NTN4: variants seen among roughly 807,000 people sequenced by gnomAD.
NTN4 encodes netrin 4, also known as netrin-4.
In NTN4, 32 loss-of-function variants were observed where a neutral mutation model predicts 73.6. The observed-to-expected ratio is 0.44, with a 90% CI of 0.33 to 0.58. NTN4 has a LOEUF of 0.58. Ranked by LOEUF, NTN4 falls within the 20% of genes least tolerant of loss-of-function variation. The pLI, the probability that NTN4 is intolerant of heterozygous loss-of-function variation, is 0.04. For synonymous variants in NTN4, 258 were observed against 287.5 expected (o/e 0.90, Z 1.04); for missense variants, 654 against 798.3 (o/e 0.82, Z 2.18).
At chr12:95,719,378 C>T (rs972308736) in intron 3 of NTN4, among the ~76,000 whole-genome samples, 1 of 152,064 alleles carries the variant, frequency 6.6e-6, no homozygotes, top group Non-Finnish European at 1.5e-5. Flanking sequence ...AAAATGCCCC[C>T]TTAACGACAG....
chr12:95,750,204 C>T (rs1321938466), intron 2 of NTN4, among the ~76,000 whole-genome samples: 2 of 149,084 alleles, frequency 1.3e-5, no homozygotes, highest in East Asian at 3.9e-4. Context: ...TTTCTGTGCC[C>T]CATCCCTTAT....
intron 3 of NTN4, among the ~76,000 whole-genome samples, chr12:95,717,236 G>A (rs1049243540): frequency 3.5e-4 from 53 of 152,140 alleles, no homozygotes; most frequent in African/African-American, 1.3e-3. Flanking sequence ...TTTGGTCTTG[G>A]AAGGCCTAAG....
At chr12:95,736,959 T>C (rs745766609) in intron 3 of NTN4, among the ~76,000 whole-genome samples, 15 of 152,190 alleles carry the variant, frequency 9.9e-5, no homozygotes, top group East Asian at 7.7e-4. Context: ...CAGTAGCATA[T>C]TCTGCAGCCT....
intron 3 of NTN4, among the ~76,000 whole-genome samples, chr12:95,724,283 G>A (rs1333464873): frequency 1.3e-5 from 2 of 152,158 alleles, no homozygotes; most frequent in Non-Finnish European, 2.9e-5. Context: ...AGATCATACT[G>A]TTACCAATTA....
chr12:95,776,019 G>A (rs527845979), intron 2 of NTN4, among the ~76,000 whole-genome samples: 1 of 152,318 alleles, frequency 6.6e-6, no homozygotes, highest in South Asian at 2.1e-4. Flanking sequence ...TCGCTGTTCT[G>A]TAGCCTCCGC....
At chr12:95,700,287 C>T (rs2078474838) in intron 5 of NTN4, among the ~76,000 whole-genome samples, 1 of 151,326 alleles carries the variant, frequency 6.6e-6, no homozygotes, top group African/African-American at 2.4e-5. Flanking sequence ...TTAAAGAGAG[C>T]TTATGCTAGA....
At chr12:95,729,755 T>G (rs2078724817) in intron 3 of NTN4, among the ~76,000 whole-genome samples, 1 of 152,028 alleles carries the variant, frequency 6.6e-6, no homozygotes, top group African/African-American at 2.4e-5. Context: ...TATCTTCTAC[T>G]GAATATAACT....
In NTN4 at chr12:95,667,197, T is replaced by TTTTTTTTTTTGAGATGGAGTC. The variant is rs1261250782; in HGVS notation, c.1580-1238_1580-1218dup. ...CTAGGGAACGTAGGGAAGTTCTTTT[T>TTTTTTTTTTTGAGATGGAGTC]TTTTTTTTTTGAGATGGAGTCTTGC... On this transcript the variant is annotated intron_variant, in intron 8 of 9. Coordinates refer to ENST00000343702, the MANE Select transcript of NTN4 (RefSeq NM_021229.4). Among the ~76,000 whole-genome samples the TTTTTTTTTTTGAGATGGAGTC allele has an allele frequency of 6.2e-3, 934 of 151,556 alleles. 5 individuals are homozygous for TTTTTTTTTTTGAGATGGAGTC. Among genetic ancestry groups the TTTTTTTTTTTGAGATGGAGTC allele is most frequent in the Middle Eastern group, 0.014 (4 of 294 alleles).
intron 3 of NTN4, among the ~76,000 whole-genome samples, chr12:95,714,727 G>A (rs73223836): frequency 0.04 from 6,097 of 152,266 alleles, 177 homozygotes; most frequent in Non-Finnish European, 0.06. Flanking sequence ...GCTGGCCCTT[G>A]ACACATGGGT....
chr12:95,772,073 CTG>C (rs2121274247), intron 2 of NTN4, among the ~76,000 whole-genome samples: 1 of 152,258 alleles, frequency 6.6e-6, no homozygotes, highest in South Asian at 2.1e-4. Flanking sequence ...GGGTCTCACT[CTG>C]TTGCCCAGAC....
chr12:95,776,813 C>T lies in NTN4; in HGVS notation c.585+10126G>A, dbSNP rs558270123. On this transcript the variant is annotated intron_variant, in intron 2 of 9. Coordinates refer to ENST00000343702, the MANE Select transcript of NTN4 (RefSeq NM_021229.4). ...TCAAATTCAGGAAATACAGAGAACACCAAAAAGATACTCCTCGAGAAGAGC... is the reference window on the plus strand; with the variant it reads ...TCAAATTCAGGAAATACAGAGAACATCAAAAAGATACTCCTCGAGAAGAGC... Among the ~76,000 whole-genome samples, 8 of 152,136 alleles carry T rather than the reference C, an allele frequency of 5.3e-5. 1 individual carries two copies. The South Asian group carries it at 1.5e-3, about 28-fold the overall frequency.
At chr12:95,750,947 T>C (rs1321699491) in intron 2 of NTN4, among the ~76,000 whole-genome samples, 2 of 152,206 alleles carry the variant, frequency 1.3e-5, no homozygotes, top group Non-Finnish European at 2.9e-5. Context: ...GCTAAAGGCA[T>C]AGTCAAGGTT....
At chr12:95,674,173 G>A (rs958481417) in intron 7 of NTN4, among the ~76,000 whole-genome samples, 44 of 146,864 alleles carry the variant, frequency 3.0e-4, no homozygotes, top group African/African-American at 1.0e-3. Flanking sequence ...AAAAAAAAAA[G>A]AAAAGAAATT....
At chr12:95,669,757 G>C (rs1458685994) in intron 8 of NTN4, among the ~76,000 whole-genome samples, 1 of 152,152 alleles carries the variant, frequency 6.6e-6, no homozygotes, top group East Asian at 1.9e-4. Flanking sequence ...GTCCCTTTTG[G>C]ATGAATAAGG....
intron 5 of NTN4, among the ~76,000 whole-genome samples, chr12:95,699,629 GA>G (rs35777947): frequency 2.6e-3 from 362 of 138,886 alleles, no homozygotes; most frequent in African/African-American, 6.1e-3. Context: ...CAGAAAGAAG[GA>G]AAAAAAAAAA....
chr12:95,703,813 C>T (rs1320382846), intron 5 of NTN4, among the ~76,000 whole-genome samples: 2 of 152,086 alleles, frequency 1.3e-5, no homozygotes, highest in Non-Finnish European at 2.9e-5. Flanking sequence ...AGATGTAAAC[C>T]TTCGTTAATT....
chr12:95,772,766 A>T (rs528546523), intron 2 of NTN4, among the ~76,000 whole-genome samples: 1 of 152,286 alleles, frequency 6.6e-6, no homozygotes, highest in East Asian at 1.9e-4. Flanking sequence ...AACAAAATAG[A>T]TCTAGAATTC....
intron 3 of NTN4, among the ~76,000 whole-genome samples, chr12:95,735,233 TTTTTTCTTC>T (rs1208926889): frequency 9.0e-6 from 1 of 110,652 alleles, no homozygotes; most frequent in Non-Finnish European, 2.4e-5. Flanking sequence ...TTATGGGTTC[TTTTTTCTTC>T]TTTTTTCTTT....
chr12:95,754,007 G>A (rs2078929418), intron 2 of NTN4, among the ~76,000 whole-genome samples: 1 of 152,124 alleles, frequency 6.6e-6, no homozygotes, highest in South Asian at 2.1e-4. Context: ...CATCATAGCT[G>A]ATATCTCCTG....
Sources: allele counts gnomAD v4.1 joint callset (sites outside exome capture counted in the v4.1 genomes callset), GRCh38; gene constraint gnomAD v4.1.1; transcripts MANE v1.5; gene names NCBI Gene and HGNC (gene_info 2026-07-23, HGNC 2026-07-21).